TTLL8: variants seen among roughly 807,000 people sequenced by gnomAD.
The protein encoded by TTLL8 is tubulin tyrosine ligase like 8.
In TTLL8, 65 loss-of-function variants were observed where a neutral mutation model predicts 77.8. That is an observed-to-expected ratio of 0.84 (90% confidence interval 0.68 to 1.03). The LOEUF (loss-of-function observed/expected upper bound fraction) is 1.03. Ranked by LOEUF, TTLL8 falls within the 50% of genes least tolerant of loss-of-function variation. The pLI is 0.00. For synonymous variants in TTLL8, 402 were observed against 422.8 expected (o/e 0.95, Z 0.60); for missense variants, 910 against 1,004.5 (o/e 0.91, Z 1.27).
intron 12 of TTLL8, among the ~76,000 whole-genome samples, chr22:50,020,781 GTGCACTCCGCCATCTGACAACA>G (rs2061191593): frequency 7.1e-6 from 1 of 140,542 alleles, no homozygotes; most frequent in Non-Finnish European, 1.5e-5. Context: ...TTCATCTGAC[GTGCACTCCGCCATCTGACAACA>G]TGCACTCCTC....
At chr22:50,027,998 G>A (rs1198418109) in intron 12 of TTLL8, among the ~76,000 whole-genome samples, 7 of 152,218 alleles carry the variant, frequency 4.6e-5, no homozygotes, top group Non-Finnish European at 7.3e-5. Flanking sequence ...ACGTGGTGTC[G>A]GCTTTGGAAG....
chr22:50,030,701 C>T, exon 12 of TTLL8: 1 of 1,292,738 alleles, frequency 7.7e-7, no homozygotes, highest in Non-Finnish European at 1.0e-6. Context: ...GGGGGAGCCC[C>T]TTCTCTTCCT....
At chr22:50,046,042 C>T (rs1210772958) in intron 4 of TTLL8, 72 bp from the exon 7 acceptor site, 13 of 1,264,946 alleles carry the variant, frequency 1.0e-5, no homozygotes, top group Admixed American at 7.0e-5. Flanking sequence ...AAGGCGAGGA[C>T]GGGCCGTCCA....
intron 3 of TTLL8, 150 bp downstream of exon 5, chr22:50,049,099 G>A: frequency 8.0e-7 from 1 of 1,252,068 alleles, no homozygotes. Context: ...AGGCCCTGCT[G>A]CCCGGTCAAG....
chr22:50,034,566 C>G lies in TTLL8; in HGVS notation c.922-104G>C. 5 of 1,193,232 alleles carry G rather than the reference C, an allele frequency of 4.2e-6. No individual in the cohort carries two copies. The South Asian group carries it at 6.6e-5, about 16-fold the overall frequency. The allele number at this position is 1,193,232 out of a possible 1,614,324, so 73.9% of individuals were successfully genotyped here. A position where few individuals can be genotyped will look rare whatever the true frequency, so the allele number is the denominator to read the frequency against. On this transcript the variant is annotated intron_variant, in intron 8 of 13. Transcript: ENST00000266182. This position sits in a 1 kb window ranked among gnomAD's most constrained non-coding sequence, Gnocchi z 4.1. ...GAGGCCTGGGCCCCGCCTCACCCAC[C>G]AAGCAGGCGCTCGGCTCTAGGATGG...
intron 12 of TTLL8, among the ~76,000 whole-genome samples, chr22:50,029,869 G>T (rs1385907432): frequency 6.6e-6 from 1 of 152,102 alleles, no homozygotes; most frequent in Non-Finnish European, 1.5e-5. Flanking sequence ...GGTCAGCCGC[G>T]CCCCTGCCCC....
rs532465761 is a variant in TTLL8, at chr22:50,031,479, G to A, written c.1707+207C>T. The A allele has an allele frequency of 1.3e-3, 1,219 of 912,190 alleles. 6 individuals carry two copies. Among genetic ancestry groups the A allele is most frequent in the African/African-American group, 0.013 (736 of 55,902 alleles). 56.5% of individuals were successfully genotyped at this position (912,190 alleles called of 1,614,324 possible). A position where few individuals can be genotyped will look rare whatever the true frequency, so the allele number is the denominator to read the frequency against. On this transcript the variant is annotated intron_variant, in intron 11 of 13. Transcript: ENST00000266182. The stretch of plus-strand genomic sequence containing the variant: ...GCACGCCTGGAGTAGCCCCTTCCTC[G>A]GTGCCGACGAGGCACTGAGCCCCAT...
intron 6 of TTLL8, among the ~76,000 whole-genome samples, chr22:50,042,338 C>T (rs2061377005): frequency 1.3e-5 from 2 of 152,110 alleles, no homozygotes; most frequent in Admixed American, 6.6e-5. Context: ...TGTTTTAAGA[C>T]AGAGTTTTGC....
intron 8 of TTLL8, among the ~76,000 whole-genome samples, chr22:50,038,200 T>C (rs910607847): frequency 1.2e-4 from 18 of 152,226 alleles, no homozygotes; most frequent in African/African-American, 3.9e-4. Context: ...TGGAGTCTTG[T>C]ATATTAACTT....
intron 12 of TTLL8, among the ~76,000 whole-genome samples, chr22:50,024,933 G>A (rs903376970): frequency 1.2e-4 from 18 of 152,174 alleles, no homozygotes; most frequent in African/African-American, 4.1e-4. Context: ...TTAATTTTTG[G>A]AGCAGGTGCC....
At chr22:50,020,832 CCATCTGACAACGTGCACTCCTA>C (rs2061192316) in intron 12 of TTLL8, among the ~76,000 whole-genome samples, 1 of 151,348 alleles carries the variant, frequency 6.6e-6, no homozygotes, top group African/African-American at 2.4e-5. Context: ...GTGCACTCCT[CCATCTGACAACGTGCACTCCTA>C]CATCTGACGA....
In TTLL8 at chr22:50,049,348, T is replaced by C. The variant is rs769811722; in HGVS notation, c.191-26A>G. 25 of 1,366,966 alleles carry C rather than the reference T, an allele frequency of 1.8e-5. No individual in the cohort carries two copies. The Admixed American group carries it at 4.0e-4, about 22-fold the overall frequency. 84.7% of individuals were successfully genotyped at this position (1,366,966 alleles called of 1,614,324 possible). Reference sequence around the variant, plus strand: ...CTGCCAACAAAACACAGGGGAGGCCTGAACATGAAGCCTCAGCCAGACTTC... The same window carrying C: ...CTGCCAACAAAACACAGGGGAGGCCCGAACATGAAGCCTCAGCCAGACTTC... On this transcript the variant is annotated intron_variant, in intron 2 of 13. Transcript: ENST00000266182.
At chr22:50,054,609 C>G (rs770890203) in exon 1 of TTLL8, 1 of 240,192 alleles carries the variant, frequency 4.2e-6, no homozygotes, top group Non-Finnish European at 9.6e-6. Flanking sequence ...AAGTCTGTTT[C>G]CCATCCAGGA....
At chr22:50,045,062 G>A (rs963350916) in intron 6 of TTLL8, 193 bp downstream of exon 8, 1 of 382,710 alleles carries the variant, frequency 2.6e-6, no homozygotes, top group East Asian at 1.6e-4. Flanking sequence ...CAAACGGGGT[G>A]ACTTTGACGT....
chr22:50,052,346 T>G (rs1046766071), intron 1 of TTLL8, among the ~76,000 whole-genome samples: 9 of 152,086 alleles, frequency 5.9e-5, no homozygotes, highest in African/African-American at 2.2e-4. Context: ...ATGGGCAGAA[T>G]ACAATTCCTA....
In TTLL8 at chr22:50,030,564, G is replaced by A. The variant is rs2061281199; in HGVS notation, c.2069C>T (p.Pro690Leu). The A allele has an allele frequency of 2.3e-6, 3 of 1,308,184 alleles. No individual in the cohort carries two copies. In the South Asian group the frequency reaches 3.8e-5, roughly 17 times the overall value. 81.0% of individuals were successfully genotyped at this position (1,308,184 alleles called of 1,614,324 possible). A position where few individuals can be genotyped will look rare whatever the true frequency, so the allele number is the denominator to read the frequency against. The change falls in exon 12 of 14, where the codon CCA becomes CTA. Residue 690 changes from proline (P) to leucine (L), a missense_variant. Transcript: ENST00000266182. ...CTGGGCTACGGGGACACCGGTGTTT[G>A]GGGCCTGACTGTCCACGTGGCGACA...
intron 12 of TTLL8, among the ~76,000 whole-genome samples, chr22:50,028,698 A>G (rs1353631265): frequency 4.9e-5 from 2 of 40,780 alleles, no homozygotes; most frequent in Non-Finnish European, 1.1e-4. Context: ...ACCCCATCAC[A>G]CCATCCTGAA....
chr22:50,018,930 GA>G (rs2061180484), intron 12 of TTLL8, among the ~76,000 whole-genome samples, 139 bp from the exon 14 acceptor site: 1 of 152,228 alleles, frequency 6.6e-6, no homozygotes, highest in Admixed American at 6.5e-5. Flanking sequence ...CAGGAAGAGT[GA>G]AGGGCAAAGA....
intron 8 of TTLL8, among the ~76,000 whole-genome samples, chr22:50,037,358 C>T (rs1435470461): frequency 1.3e-5 from 2 of 152,104 alleles, no homozygotes; most frequent in Admixed American, 6.5e-5. Context: ...CAGGCACGCA[C>T]CACCGCGCCC....
Sources: gnomAD v4.1 joint callset for allele counts (sites outside exome capture counted in the v4.1 genomes callset) on GRCh38, gnomAD v4.1.1 for gene constraint, Gnocchi (gnomAD v3.1) non-coding constraint, MANE v1.5 for transcripts, NCBI Gene and HGNC (gene_info 2026-07-23, HGNC 2026-07-21) for gene names.